The following HPSE2 variants were observed in gnomAD, a reference collection of about 807,000 sequenced individuals.
HPSE2 encodes the protein heparanase 2 (inactive), also known as inactive heparanase-2.
A neutral mutation model predicts 60.5 loss-of-function variants in HPSE2; 38 were observed. That is an observed-to-expected ratio of 0.63 (90% confidence interval 0.48 to 0.82). The LOEUF is 0.82. Among genes scored for constraint, HPSE2 ranks in the 40% least tolerant of loss-of-function variants. The probability of loss-of-function intolerance (pLI) is 0.00; values close to 1 mark genes in which losing one functional copy is unlikely to be tolerated. For synonymous variants in HPSE2, 295 were observed against 293.2 expected, an observed-to-expected ratio of 1.01 and a Z score of -0.06; for missense variants, 713 against 740.4, an observed-to-expected ratio of 0.96 and a Z score of 0.43.
At chr10:98,764,336 A>G (rs141201803) in intron 3 of HPSE2, among the ~76,000 whole-genome samples, 86 of 152,254 alleles carry the variant, frequency 5.6e-4, no homozygotes, top group African/African-American at 2.0e-3. Flanking sequence ...GAATAGAGGT[A>G]CCAAAAAAAC....
chr10:98,614,962 T>G lies in HPSE2; in HGVS notation c.1262A>C (p.His421Pro). The G allele has an allele frequency of 6.2e-7, 1 of 1,614,054 alleles. No individual in the cohort carries two copies. The highest frequency in any genetic ancestry group is 8.5e-7 in the Non-Finnish European group (1 of 1,179,994). ...ANQGIDVVIR[H>P]SFFDHGYNHL... ...ATTGTATCCATGGTCAAAAAATGAG[T>G]GCCGTATCACGACATCAATGCCCTG... Residue 421 changes from histidine (H) to proline (P), a missense_variant, in exon 9 of 12, where the codon CAC (histidine) becomes CCC (proline). Coordinates refer to ENST00000370552, the MANE Select transcript of HPSE2 (RefSeq NM_021828.5).
At chr10:99,005,252 C>G in intron 3 of HPSE2, among the ~76,000 whole-genome samples, 1 of 78,634 alleles carries the variant, frequency 1.3e-5, no homozygotes, top group Non-Finnish European at 2.9e-5. Context: ...CTTTTTACCC[C>G]ATTTGTCTTT....
chr10:98,999,156 C>CGTGTGTGTGTGTGTGT (rs55879808), intron 3 of HPSE2, among the ~76,000 whole-genome samples: 6 of 137,570 alleles, frequency 4.4e-5, no homozygotes, highest in African/African-American at 1.6e-4. Context: ...GTATAGACTA[C>CGTGTGTGTGTGTGTGT]GTGTGTGTGT....
chr10:98,971,455 C>T (rs2487899), intron 3 of HPSE2, among the ~76,000 whole-genome samples: 140,295 of 152,212 alleles, frequency 0.92, 65,067 homozygotes, highest in East Asian at 0.99. Flanking sequence ...CATTCATAAG[C>T]CAGACAACCA....
chr10:98,608,394 G>C (rs554127723), intron 9 of HPSE2, among the ~76,000 whole-genome samples: 1 of 152,158 alleles, frequency 6.6e-6, no homozygotes, highest in Admixed American at 6.5e-5. Flanking sequence ...TGTTGTTGCC[G>C]ACATCCTGTG....
At chr10:99,136,092 C>T (rs2135753412) in intron 3 of HPSE2, among the ~76,000 whole-genome samples, 1 of 152,266 alleles carries the variant, frequency 6.6e-6, no homozygotes, top group East Asian at 1.9e-4. Context: ...GAACTACCAT[C>T]AGAGAATATT....
chr10:98,828,615 A>T (rs1229935884), intron 3 of HPSE2, among the ~76,000 whole-genome samples: 4 of 152,226 alleles, frequency 2.6e-5, no homozygotes, highest in African/African-American at 9.6e-5. Flanking sequence ...ACCATCACTA[A>T]TCATTCAGGA....
At chr10:99,141,126 T>G (rs573444827) in intron 3 of HPSE2, among the ~76,000 whole-genome samples, 53 of 152,340 alleles carry the variant, frequency 3.5e-4, no homozygotes, top group African/African-American at 1.2e-3. Flanking sequence ...GTATTAAGAA[T>G]CATGAGAGCA....
Position 98,759,119 on chromosome 10 carries a change from G to A in HPSE2, c.611-15063C>T, listed in dbSNP as rs550707103. Among the ~76,000 whole-genome samples the A allele has an allele frequency of 2.0e-5, 3 of 152,200 alleles. No homozygotes were observed. The East Asian group carries it at 5.8e-4, about 29-fold the overall frequency. ...AAACACTGCACATTCTCACTGACAT[G>A]TTATTGCTAAACACTGAGTATACAT... On this transcript the variant is annotated intron_variant, in intron 3 of 11. Coordinates refer to ENST00000370552, the MANE Select transcript of HPSE2 (RefSeq NM_021828.5).
At chr10:99,132,119 G>C (rs1000021656) in intron 3 of HPSE2, among the ~76,000 whole-genome samples, 1 of 133,164 alleles carries the variant, frequency 7.5e-6, no homozygotes, top group Non-Finnish European at 1.6e-5. Context: ...TCTTAAAAAA[G>C]AAAAGAAAGA....
chr10:98,897,899 C>G (rs1036710994), intron 3 of HPSE2, among the ~76,000 whole-genome samples: 95 of 151,946 alleles, frequency 6.3e-4, no homozygotes, highest in African/African-American at 2.2e-3. Flanking sequence ...ATTAATGGAA[C>G]GAAAAGCCAC....
At chr10:98,968,416 T>C (rs1031773784) in intron 3 of HPSE2, among the ~76,000 whole-genome samples, 18 of 152,316 alleles carry the variant, frequency 1.2e-4, no homozygotes, top group African/African-American at 4.3e-4. Flanking sequence ...TGTAAACTAG[T>C]ATAACCACTA....
intron 3 of HPSE2, among the ~76,000 whole-genome samples, chr10:98,863,044 G>A (rs930571809): frequency 6.6e-5 from 10 of 152,106 alleles, no homozygotes; most frequent in African/African-American, 2.4e-4. Flanking sequence ...CATTATAGAC[G>A]TGAGCCACTG....
intron 4 of HPSE2, among the ~76,000 whole-genome samples, chr10:98,739,554 T>G (rs1280545941): frequency 6.6e-6 from 1 of 152,180 alleles, no homozygotes; most frequent in Non-Finnish European, 1.5e-5. Flanking sequence ...AGGGAATGCA[T>G]TAATCAAGCT....
chr10:99,076,518 G>T (rs1346019149), intron 3 of HPSE2, among the ~76,000 whole-genome samples: 1 of 152,134 alleles, frequency 6.6e-6, no homozygotes, highest in Non-Finnish European at 1.5e-5. Flanking sequence ...CTCCCCAGTA[G>T]CTGGGACCAC....
intron 2 of HPSE2, among the ~76,000 whole-genome samples, chr10:99,156,367 A>C (rs1270654796): frequency 1.7e-4 from 24 of 143,754 alleles, no homozygotes; most frequent in South Asian, 9.6e-4. Flanking sequence ...TTCTGGCAAA[A>C]CGAATCCAGC....
At chr10:98,971,240 C>T (rs1462274576) in intron 3 of HPSE2, among the ~76,000 whole-genome samples, 2 of 152,144 alleles carry the variant, frequency 1.3e-5, no homozygotes, top group African/African-American at 4.8e-5. Flanking sequence ...TTCCAAACAA[C>T]TTAGAATTTG....
intron 9 of HPSE2, among the ~76,000 whole-genome samples, chr10:98,529,229 T>C (rs945603510): frequency 2.0e-5 from 3 of 152,238 alleles, no homozygotes; most frequent in Non-Finnish European, 1.5e-5. Context: ...GTCTTAATAA[T>C]TCTATTATCC....
chr10:98,582,829 A>T (rs1564987243), intron 9 of HPSE2, among the ~76,000 whole-genome samples: 2 of 152,136 alleles, frequency 1.3e-5, no homozygotes, highest in Non-Finnish European at 2.9e-5. Context: ...TGTAACCATC[A>T]CCATAATCAA....
Sources: allele counts gnomAD v4.1 joint callset (sites outside exome capture counted in the v4.1 genomes callset), GRCh38; gene constraint gnomAD v4.1.1; transcripts MANE v1.5; gene names NCBI Gene and HGNC (gene_info 2026-07-23, HGNC 2026-07-21).